Variants in ERBIN observed in about 807,000 individuals in gnomAD.
ERBIN encodes densin-180-like protein.
ERBIN carries 60 observed loss-of-function variants against 158.4 expected under a neutral mutation model. That is an observed-to-expected ratio of 0.38 (90% confidence interval 0.31 to 0.47). The LOEUF (loss-of-function observed/expected upper bound fraction) is 0.47. ERBIN is among the 20% of genes least tolerant of loss of function. ERBIN has a pLI of 0.99. For missense variants in ERBIN, 1,610 were observed against 1,648.0 expected (o/e 0.98, Z 0.40); for synonymous variants, 594 against 557.2 (o/e 1.07, Z -0.93).
chr5:66,018,851 G>A (rs575937660), intron 7 of ERBIN, among the ~76,000 whole-genome samples: 3 of 151,262 alleles, frequency 2.0e-5, no homozygotes, highest in South Asian at 2.1e-4. Context: ...TAGCCAGGAT[G>A]GTCTCGATCT....
chr5:66,026,132 G>A (rs1426782213), intron 12 of ERBIN, among the ~76,000 whole-genome samples, 155 bp downstream of exon 12: 2 of 151,598 alleles, frequency 1.3e-5, no homozygotes, highest in African/African-American at 4.8e-5. Flanking sequence ...TTTAGAAGAG[G>A]TTCTTAAATG....
In ERBIN at chr5:65,938,168, TGGAG is replaced by T. The variant is rs1341740462; in HGVS notation, c.-58+11369_-58+11372del. On this transcript the variant is annotated intron_variant, in intron 1 of 25. Coordinates refer to ENST00000284037, the MANE Select transcript of ERBIN (RefSeq NM_001253697.2). Reference sequence around the variant, plus strand: ...GTTATATTTATTTCTAAAAACATTTTGGAGGGAGGGCAAGGGCTTCTGTTTTTAT... The same window carrying T: ...GTTATATTTATTTCTAAAAACATTTTGGAGGGCAAGGGCTTCTGTTTTTAT... Among the ~76,000 whole-genome samples, 5 of 152,290 alleles carry T rather than the reference TGGAG, an allele frequency of 3.3e-5. No individual in the cohort carries two copies. The East Asian group carries it at 9.6e-4, about 29-fold the overall frequency.
intron 21 of ERBIN, among the ~76,000 whole-genome samples, chr5:66,065,557 G>A (rs1002189092): frequency 5.4e-5 from 8 of 148,600 alleles, no homozygotes; most frequent in Non-Finnish European, 7.4e-5. Context: ...TGTACATTCC[G>A]AGTGATTTCA....
chr5:65,930,627 G>T (rs1743249910), intron 1 of ERBIN, among the ~76,000 whole-genome samples: 1 of 152,068 alleles, frequency 6.6e-6, no homozygotes, highest in Admixed American at 6.5e-5. Context: ...TTTATACTTT[G>T]TTTTCTCAGT....
intron 1 of ERBIN, among the ~76,000 whole-genome samples, chr5:65,972,231 A>C (rs1056995312): frequency 2.0e-5 from 3 of 152,190 alleles, no homozygotes; most frequent in Non-Finnish European, 2.9e-5. Context: ...TGCAGCAAAA[A>C]CAAAAATCCA....
intron 1 of ERBIN, among the ~76,000 whole-genome samples, chr5:65,945,593 A>T (rs947095256): frequency 3.9e-5 from 6 of 152,228 alleles, no homozygotes; most frequent in African/African-American, 1.4e-4. Context: ...TTGGATTTAT[A>T]ACTTAAAAAC....
chr5:65,966,088 C>T (rs1748584002), intron 1 of ERBIN, among the ~76,000 whole-genome samples: 1 of 146,154 alleles, frequency 6.8e-6, no homozygotes, highest in South Asian at 2.3e-4. Context: ...TCATGTGCCA[C>T]ATAATGACAT....
Position 66,080,335 on chromosome 5 carries a change from A to G in ERBIN, c.*1805A>G, listed in dbSNP as rs1418539809. ...GTATAGTTTTAATAATTTTGATTGA[A>G]ACCCTTTAACAACTCTTTGTAAATT... On this transcript the variant is annotated 3_prime_UTR_variant, in exon 26 of 26. Coordinates refer to ENST00000284037, the MANE Select transcript of ERBIN (RefSeq NM_001253697.2). The G allele has an allele frequency of 1.3e-5, 2 of 152,662 alleles. No individual in the cohort carries two copies. The highest frequency in any genetic ancestry group is 3.9e-4 in the East Asian group (2 of 5,194). 9.5% of individuals were successfully genotyped at this position (152,662 alleles called of 1,614,324 possible). A position where few individuals can be genotyped will look rare whatever the true frequency, so the allele number is the denominator to read the frequency against.
chr5:65,957,853 T>G (rs1296540265), intron 1 of ERBIN, among the ~76,000 whole-genome samples: 1 of 148,092 alleles, frequency 6.8e-6, no homozygotes, highest in Non-Finnish European at 1.5e-5. Flanking sequence ...GCTCCTCACT[T>G]CTCAGACGGG....
intron 21 of ERBIN, among the ~76,000 whole-genome samples, chr5:66,062,506 A>G (rs1370015196): frequency 6.6e-6 from 1 of 151,580 alleles, no homozygotes; most frequent in Non-Finnish European, 1.5e-5. Flanking sequence ...TTTAGCTCGG[A>G]GTAGTTTGAT....
chr5:66,021,383 G>A lies in ERBIN; in HGVS notation c.595G>A (p.Val199Met), dbSNP rs1755667093. The A allele has an allele frequency of 1.3e-6, 2 of 1,597,930 alleles. No individual in the cohort carries two copies. Among genetic ancestry groups the A allele is most frequent in the Non-Finnish European group, 1.7e-6 (2 of 1,168,376 alleles). Residue 199 changes from valine to methionine, a missense_variant and splice_region_variant, in exon 8 of 26, where the codon GTG (valine) becomes ATG (methionine). Physicochemically the swap from Val to Met is conservative, Grantham distance 21 (BLOSUM62 1). Around this residue, in one of 2 missense-constraint regions of ERBIN, gnomAD observed 596 missense variants for 711.9 expected, o/e 0.84. Transcript: ENST00000284037. Reference protein sequence around the residue: ...LDLGSNEFTEVPEVLEQLSGL... With the variant: ...LDLGSNEFTEMPEVLEQLSGL... ...TTTGGGAAGTAACGAATTCACGGAAGTGGTAAGTTCTCATCAGTCTCACTT... is the reference window on the plus strand; with the variant it reads ...TTTGGGAAGTAACGAATTCACGGAAATGGTAAGTTCTCATCAGTCTCACTT...
At chr5:66,017,157 G>C (rs1273990922) in intron 7 of ERBIN, among the ~76,000 whole-genome samples, 2 of 152,142 alleles carry the variant, frequency 1.3e-5, no homozygotes, top group Middle Eastern at 3.4e-3. Flanking sequence ...ATAGACATAG[G>C]AGTTCAGATA....
intron 14 of ERBIN, among the ~76,000 whole-genome samples, chr5:66,034,950 T>C (rs769652457): frequency 1.3e-5 from 2 of 152,128 alleles, no homozygotes; most frequent in Non-Finnish European, 2.9e-5. Context: ...GTGGGAAGAA[T>C]GTCAAAAGGT....
intron 1 of ERBIN, among the ~76,000 whole-genome samples, chr5:65,977,622 C>T (rs1264199876): frequency 2.6e-5 from 4 of 151,716 alleles, no homozygotes; most frequent in Non-Finnish European, 4.4e-5. Flanking sequence ...AGGCGCTCCT[C>T]ACTTCCTAGA....
Position 66,054,631 on chromosome 5 carries a change from T to G in ERBIN, c.3313T>G (p.Leu1105Val). 2 of 1,614,106 alleles carry G rather than the reference T, an allele frequency of 1.2e-6. No homozygotes were observed. The highest frequency in any genetic ancestry group is 1.1e-5 in the South Asian group (1 of 91,076). The stretch of plus-strand genomic sequence containing the variant: ...GGCTCAGATTCCTGAAGGAGATTAT[T>G]TATCATACAGAGAGTTCCACTCAGC... ...RRAQIPEGDY[L>V]SYREFHSAGR... The change falls in exon 21 of 26, where the codon TTA becomes GTA. Residue 1105 changes from leucine (L) to valine (V), a missense_variant. Physicochemically the swap from Leu to Val is conservative, Grantham distance 32. This residue lies in a region of ERBIN where 1,014 missense variants were observed against 936.1 expected (regional missense o/e 1.08). Transcript: ENST00000284037.
intron 1 of ERBIN, among the ~76,000 whole-genome samples, chr5:65,931,911 C>T (rs1386914833): frequency 8.6e-5 from 13 of 151,252 alleles, no homozygotes; most frequent in African/African-American, 2.7e-4. Context: ...CTCTGCCTCC[C>T]GGGTTTAAGC....
At chr5:66,027,305 T>A (rs1020665616) in intron 13 of ERBIN, among the ~76,000 whole-genome samples, 1 of 149,840 alleles carries the variant, frequency 6.7e-6, no homozygotes, top group African/African-American at 2.5e-5. Flanking sequence ...ACTGCTTTCT[T>A]AAGTCACGTT....
chr5:66,060,605 T>C (rs1253284562), intron 21 of ERBIN, among the ~76,000 whole-genome samples: 1 of 152,220 alleles, frequency 6.6e-6, no homozygotes, highest in African/African-American at 2.4e-5. Context: ...TTGCTCTTGC[T>C]TCTCTAGTGC....
chr5:65,948,880 C>T (rs1002411554), intron 1 of ERBIN, among the ~76,000 whole-genome samples: 3 of 150,838 alleles, frequency 2.0e-5, no homozygotes, highest in Admixed American at 6.6e-5. Flanking sequence ...TCTCTTGCCT[C>T]GGCCTCTCAG....
Sources: allele counts gnomAD v4.1 joint callset (sites outside exome capture counted in the v4.1 genomes callset), GRCh38; gene constraint gnomAD v4.1.1; regional missense constraint gnomAD v4.1.1; transcripts MANE v1.5; gene names NCBI Gene and HGNC (gene_info 2026-07-23, HGNC 2026-07-21).